Variants in DCHS2 observed in about 807,000 individuals in gnomAD.
DCHS2 encodes the protein dachsous cadherin-related 2.
DCHS2 carries 142 observed loss-of-function variants against 182.4 expected under a neutral mutation model. The ratio of observed to expected loss-of-function variants is 0.78; its 90% confidence interval spans 0.68 to 0.89. DCHS2 has a LOEUF of 0.89. Ranked by LOEUF, DCHS2 falls within the 40% of genes least tolerant of loss-of-function variation. The pLI is 0.00. For missense variants in DCHS2, 4,319 were observed against 4,198.6 expected (o/e 1.03, Z -0.79); for synonymous variants, 1,740 against 1,663.3 (o/e 1.05, Z -1.12).
At position 154,417,204 on chromosome 4, in the gene DCHS2, TGAGA is replaced by T. The variant is rs70947163; in HGVS notation, c.2053-39764_2053-39761del. On this transcript the variant is annotated intron_variant, in intron 1 of 19. Transcript: ENST00000357232. ...GTGTGTGTGTGTGTGTGTGTGTGTG[TGAGA>T]GAGAGAGAGAGAGAGAGAGAGAGAG... Among the ~76,000 whole-genome samples the T allele has an allele frequency of 3.0e-3, 120 of 39,484 alleles. 1 individual carries two copies. The highest frequency in any genetic ancestry group is 0.01 in the African/African-American group (108 of 10,624). The allele number at this position is 39,484 out of a possible 152,430, so 25.9% of individuals were successfully genotyped here.
chr4:154,367,211 G>A (rs1318058843), intron 2 of DCHS2, among the ~76,000 whole-genome samples: 1 of 152,168 alleles, frequency 6.6e-6, no homozygotes, highest in Non-Finnish European at 1.5e-5. Flanking sequence ...CTCACAGGAG[G>A]GCTTTGAGCA....
Position 154,319,483 on chromosome 4 carries a change from TA to T in DCHS2, c.5020+895del, listed in dbSNP as rs919352981. ...ATAAAAAAACTCCTACAACTAAACATAAAAAAACCCTAATTTTAAAATGGAC... is the reference window on the plus strand; with the variant it reads ...ATAAAAAAACTCCTACAACTAAACATAAAAAACCCTAATTTTAAAATGGAC... On this transcript the variant is annotated intron_variant, in intron 9 of 19. Transcript: ENST00000357232. Among the ~76,000 whole-genome samples, 10 of 151,264 alleles carry T rather than the reference TA, an allele frequency of 6.6e-5. 1 individual carries two copies. Among genetic ancestry groups the T allele is most frequent in the South Asian group, 4.2e-4 (2 of 4,784 alleles).
At position 154,377,275 on chromosome 4, in the gene DCHS2, A is replaced by G; in HGVS notation, c.2222T>C (p.Leu741Pro). 1 of 1,613,270 alleles carries G rather than the reference A, an allele frequency of 6.2e-7. No homozygotes were observed. The highest frequency in any genetic ancestry group is 8.5e-7 in the Non-Finnish European group (1 of 1,179,604). The change falls in exon 2 of 20, where the codon CTC becomes CCC. Residue 741 changes from leucine to proline, a missense_variant. Coordinates refer to ENST00000357232, the MANE Select transcript of DCHS2 (RefSeq NM_001358235.2). ...TACCCCATCCTTAGCTTCCACCAGG[A>G]GATCATAGGTAGCTGGATCCCTTTC... is the stretch of plus-strand genomic sequence containing the variant. ...DRERDPATYDLLVEAKDGGGL... is the reference protein window; with the variant it reads ...DRERDPATYDPLVEAKDGGGL...
At chr4:154,274,678 G>C (rs891196214) in intron 13 of DCHS2, among the ~76,000 whole-genome samples, 8 of 152,070 alleles carry the variant, frequency 5.3e-5, no homozygotes, top group African/African-American at 1.9e-4. Context: ...GTATGTAGTA[G>C]ATGCTTAATG....
At chr4:154,328,738 A>T (rs1736393851) in intron 6 of DCHS2, among the ~76,000 whole-genome samples, 1 of 152,216 alleles carries the variant, frequency 6.6e-6, no homozygotes, top group Non-Finnish European at 1.5e-5. Flanking sequence ...AAAAAGTGTA[A>T]TGATGATATA....
intron 3 of DCHS2, among the ~76,000 whole-genome samples, chr4:154,346,354 A>G (rs992115704): frequency 6.6e-6 from 1 of 152,208 alleles, no homozygotes; most frequent in African/African-American, 2.4e-5. Flanking sequence ...ATGCTAGTCT[A>G]CTTAAGTGGC....
Position 154,332,650 on chromosome 4 carries a change from G to C in DCHS2, c.3558C>G (p.Asp1186Glu), listed in dbSNP as rs755115778. The part of the protein sequence containing the change: ...TVIVRVWDEN[D>E]NSPTFLHDVL... ...CATCATGCAAGAAGGTGGGGGAATT[G>C]TCATTCTCATCCCAGACACGAACAA... Residue 1186 changes from aspartate to glutamate, a missense_variant, in exon 5 of 20, where the codon GAC (aspartate) becomes GAG (glutamate). Physicochemically the swap from Asp to Glu is conservative, Grantham distance 45 (BLOSUM62 2). Transcript: ENST00000357232. 1 of 1,614,106 alleles carries C rather than the reference G, an allele frequency of 6.2e-7. No individual in the cohort carries two copies. Among genetic ancestry groups the C allele is most frequent in the African/African-American group, 1.3e-5 (1 of 74,940 alleles).
intron 14 of DCHS2, among the ~76,000 whole-genome samples, chr4:154,266,604 C>A (rs12503824): frequency 1.3e-5 from 2 of 149,410 alleles, no homozygotes; most frequent in African/African-American, 2.5e-5. Context: ...GGCAGAGAAC[C>A]GAGATCATGC....
intron 19 of DCHS2, among the ~76,000 whole-genome samples, chr4:154,238,673 G>A (rs1464935999): frequency 5.3e-5 from 8 of 152,126 alleles, no homozygotes; most frequent in Admixed American, 4.6e-4. Context: ...GTTTCCAGTT[G>A]GTAGAGATGC....
chr4:154,475,788 G>A (rs1169280000), intron 1 of DCHS2, among the ~76,000 whole-genome samples: 1 of 152,142 alleles, frequency 6.6e-6, no homozygotes, highest in East Asian at 1.9e-4. Context: ...GCTTACATGT[G>A]CTAGTGCTTT....
rs1326873205 is a variant in DCHS2 at position 154,255,605 on chromosome 4, G to T, written c.6855C>A (p.Asn2285Lys). ...GLIEYSILSGNQEEAFQIDAL... is the reference protein window; with the variant it reads ...GLIEYSILSGKQEEAFQIDAL... Reference sequence around the variant, plus strand: ...CATCAATCTGGAATGCTTCTTCTTGGTTGCCAGACAGAATAGAATACTCAA... The same window carrying T: ...CATCAATCTGGAATGCTTCTTCTTGTTTGCCAGACAGAATAGAATACTCAA... The change falls in exon 16 of 20, where the codon AAC (asparagine) becomes AAA (lysine). Residue 2285 changes from asparagine (N) to lysine (K), a missense_variant. Asn to Lys is a moderately conservative substitution (Grantham distance 94). Coordinates refer to ENST00000357232, the MANE Select transcript of DCHS2 (RefSeq NM_001358235.2). The T allele has an allele frequency of 1.9e-6, 3 of 1,613,952 alleles. No homozygotes were observed. Among genetic ancestry groups the T allele is most frequent in the East Asian group, 4.5e-5 (2 of 44,826 alleles).
rs1355005403 is a variant in DCHS2 at position 154,321,090 on chromosome 4, C to T, written c.4309G>A (p.Gly1437Arg). Residue 1437 changes from glycine (G) to arginine (R), a missense_variant, in exon 9 of 20, where the codon GGA becomes AGA. Transcript: ENST00000357232. ...GCAACAATACTAAAATGTAACTTTCCATTATAATGTTGTTGAAGGTGATCA... is the reference window on the plus strand; with the variant it reads ...GCAACAATACTAAAATGTAACTTTCTATTATAATGTTGTTGAAGGTGATCA... ...SSDHLQQHYN[G>R]KLHFSIVADD... is the part of the protein sequence containing the mutation. The T allele has an allele frequency of 1.9e-6, 3 of 1,609,376 alleles. No homozygotes were observed. The highest frequency in any genetic ancestry group is 1.7e-5 in the Admixed American group (1 of 59,898).
Position 154,232,371 on chromosome 4 carries a change from T to C in DCHS2, c.*2165A>G, listed in dbSNP as rs534743580. The C allele has an allele frequency of 2.0e-5, 3 of 152,248 alleles. No individual in the cohort carries two copies. The highest frequency in any genetic ancestry group is 6.6e-5 in the Admixed American group (1 of 15,254). 9.4% of individuals were successfully genotyped at this position (152,248 alleles called of 1,614,324 possible). A position where few individuals can be genotyped will look rare whatever the true frequency, so the allele number is the denominator to read the frequency against. ...CACTGGATACAGACTGATAAACCCA[T>C]CAATTAAAAATCCATTAAATATTGG... On this transcript the variant is annotated 3_prime_UTR_variant, in exon 20 of 20. Coordinates refer to ENST00000357232, the MANE Select transcript of DCHS2 (RefSeq NM_001358235.2).
chr4:154,381,124 C>T (rs1339260146), intron 1 of DCHS2, among the ~76,000 whole-genome samples: 1 of 152,020 alleles, frequency 6.6e-6, no homozygotes, highest in African/African-American at 2.4e-5. Context: ...TTTATCCCTA[C>T]GTCTACTTAT....
intron 13 of DCHS2, among the ~76,000 whole-genome samples, chr4:154,273,076 T>C (rs1264370956): frequency 2.0e-5 from 3 of 152,092 alleles, no homozygotes; most frequent in Non-Finnish European, 4.4e-5. Context: ...TACCATTTGA[T>C]CCAGCAATCC....
rs779609051 is a variant in DCHS2, at chr4:154,259,525, C to T, written c.6789+20G>A. On this transcript the variant is annotated intron_variant, in intron 15 of 19. Coordinates refer to ENST00000357232, the MANE Select transcript of DCHS2 (RefSeq NM_001358235.2). ...CCACACACACACACACACACACACA[C>T]ACAAATATATTTCTGTTACCTGTAT... is the stretch of plus-strand genomic sequence containing the variant. 4.8e-5 allele frequency: 78 copies of T among 1,609,486 alleles called. No homozygotes were observed. Among genetic ancestry groups the T allele is most frequent in the African/African-American group, 1.3e-5 (1 of 74,358 alleles).
At chr4:154,296,297 C>A (rs977279549) in intron 13 of DCHS2, among the ~76,000 whole-genome samples, 7 of 152,078 alleles carry the variant, frequency 4.6e-5, no homozygotes, top group Non-Finnish European at 8.8e-5. Context: ...AGAACAGTTA[C>A]GTTTTCTCTA....
intron 3 of DCHS2, among the ~76,000 whole-genome samples, chr4:154,346,842 G>A (rs1270328541): frequency 6.6e-6 from 1 of 151,866 alleles, no homozygotes; most frequent in African/African-American, 2.4e-5. Context: ...CCCTCTTGAT[G>A]TGGAGTGTTT....
chr4:154,289,792 C>T (rs954076727), intron 13 of DCHS2, among the ~76,000 whole-genome samples: 2 of 151,950 alleles, frequency 1.3e-5, no homozygotes, highest in African/African-American at 2.4e-5. Context: ...CTTACATAAA[C>T]CAATGGATGT....
Sources: gnomAD v4.1 joint callset for allele counts (sites outside exome capture counted in the v4.1 genomes callset) on GRCh38, gnomAD v4.1.1 for gene constraint, MANE v1.5 for transcripts, NCBI Gene and HGNC (gene_info 2026-07-23, HGNC 2026-07-21) for gene names.